Variants in SH3RF1 observed in about 807,000 individuals in gnomAD.
SH3RF1 encodes the protein SH3 domain containing ring finger 1.
A neutral mutation model predicts 74.0 loss-of-function variants in SH3RF1; 32 were observed. The ratio of observed to expected loss-of-function variants is 0.43; its 90% confidence interval spans 0.33 to 0.58. The LOEUF is 0.58. SH3RF1 is among the 20% of genes least tolerant of loss of function. The pLI is 0.05. For missense variants in SH3RF1, 954 were observed against 1,130.9 expected (o/e 0.84, Z 2.24); for synonymous variants, 396 against 439.6 (o/e 0.90, Z 1.24).
chr4:169,126,848 C>T (rs1237609628), intron 6 of SH3RF1, among the ~76,000 whole-genome samples: 1 of 152,182 alleles, frequency 6.6e-6, no homozygotes, highest in East Asian at 1.9e-4. Flanking sequence ...ACCTCAGGCT[C>T]CCAAAGTGCT....
At position 169,240,560 on chromosome 4, in the gene SH3RF1, T is replaced by G. The variant is rs190001632; in HGVS notation, c.393+28260A>C. Among the ~76,000 whole-genome samples, 228 of 152,282 alleles carry G rather than the reference T, an allele frequency of 1.5e-3. 1 individual carries two copies. Among genetic ancestry groups the G allele is most frequent in the Non-Finnish European group, 2.4e-3 (166 of 68,010 alleles). On this transcript the variant is annotated intron_variant, in intron 2 of 11. Transcript: ENST00000284637. ...ACTGTTCAATTTAAAGATACCAACG[T>G]GTATTAAGGAGTTTTTGAGTTTTCT... is the stretch of plus-strand genomic sequence containing the variant.
chr4:169,192,846 A>G (rs1022293721), intron 2 of SH3RF1, among the ~76,000 whole-genome samples: 4 of 148,314 alleles, frequency 2.7e-5, no homozygotes, highest in African/African-American at 7.4e-5. Context: ...GATGTGATAT[A>G]TATATCATAT....
intron 2 of SH3RF1, among the ~76,000 whole-genome samples, chr4:169,257,194 C>A (rs533453110): frequency 4.1e-4 from 63 of 152,244 alleles, no homozygotes; most frequent in African/African-American, 1.5e-3. Context: ...CACTTTCTGT[C>A]CAGCAGGAAT....
intron 2 of SH3RF1, among the ~76,000 whole-genome samples, chr4:169,168,682 T>A (rs1042863067): frequency 2.0e-5 from 3 of 152,258 alleles, no homozygotes; most frequent in Non-Finnish European, 1.5e-5. Context: ...TGGATTATGA[T>A]ATCTTTCACT....
chr4:169,159,444 T>C (rs941106599), intron 2 of SH3RF1, among the ~76,000 whole-genome samples: 1 of 152,070 alleles, frequency 6.6e-6, no homozygotes, highest in African/African-American at 2.4e-5. Flanking sequence ...TCTTGTACAA[T>C]AGCTAAAGAG....
chr4:169,205,196 A>G (rs981632743), intron 2 of SH3RF1, among the ~76,000 whole-genome samples: 1 of 152,228 alleles, frequency 6.6e-6, no homozygotes, highest in African/African-American at 2.4e-5. Flanking sequence ...GATTTTGTAC[A>G]TAGTATTTCT....
In SH3RF1 at chr4:169,156,698, G is replaced by A; in HGVS notation, c.394-19C>T. The A allele has an allele frequency of 1.3e-6, 2 of 1,543,576 alleles. No individual in the cohort carries two copies. Among genetic ancestry groups the A allele is most frequent in the Non-Finnish European group, 1.7e-6 (2 of 1,144,086 alleles). On this transcript the variant is annotated intron_variant, in intron 2 of 11. Coordinates refer to ENST00000284637, the MANE Select transcript of SH3RF1 (RefSeq NM_020870.4). ...GTATACCCTTTAAAAAAAAAAGAGG[G>A]ATGAATTTTAATAAAATAATGGTCT... is the stretch of plus-strand genomic sequence containing the variant.
chr4:169,156,217 G>A (rs1464021135), intron 3 of SH3RF1, among the ~76,000 whole-genome samples, 187 bp downstream of exon 3: 1 of 152,122 alleles, frequency 6.6e-6, no homozygotes, highest in Non-Finnish European at 1.5e-5. Flanking sequence ...TTTCATATAA[G>A]AAGTCTGTGC....
chr4:169,236,504 C>T (rs905595087), intron 2 of SH3RF1, among the ~76,000 whole-genome samples: 2 of 152,186 alleles, frequency 1.3e-5, no homozygotes, highest in African/African-American at 2.4e-5. Context: ...TAAGTAATAT[C>T]GTTACTTATT....
At chr4:169,126,201 G>T (rs1233432854) in intron 6 of SH3RF1, among the ~76,000 whole-genome samples, 3 of 152,218 alleles carry the variant, frequency 2.0e-5, no homozygotes, top group African/African-American at 7.2e-5. Context: ...TTTGCAGCTA[G>T]AAGATAACAG....
intron 5 of SH3RF1, 130 bp downstream of exon 5, chr4:169,136,188 C>A: frequency 9.8e-7 from 1 of 1,021,206 alleles, no homozygotes; most frequent in South Asian, 3.0e-5. Context: ...ACAGGTTTTG[C>A]TTCCCAGAAA....
chr4:169,204,771 G>A (rs1730219439), intron 2 of SH3RF1, among the ~76,000 whole-genome samples: 1 of 151,908 alleles, frequency 6.6e-6, no homozygotes. Flanking sequence ...AGATGGTCTC[G>A]ATCTCCTGAC....
chr4:169,163,542 A>G (rs1734185639), intron 2 of SH3RF1, among the ~76,000 whole-genome samples: 1 of 152,168 alleles, frequency 6.6e-6, no homozygotes, highest in Admixed American at 6.5e-5. Flanking sequence ...AAACCAGCAA[A>G]CTATAACCAC....
chr4:169,122,338 G>T (rs1056646579), intron 6 of SH3RF1, 72 bp from the exon 7 acceptor site: 7 of 1,461,244 alleles, frequency 4.8e-6, no homozygotes, highest in African/African-American at 1.4e-5. Context: ...TCCTATGGAA[G>T]GTGGGAGAGA....
intron 6 of SH3RF1, among the ~76,000 whole-genome samples, chr4:169,128,976 T>C (rs886691487): frequency 1.3e-5 from 2 of 152,180 alleles, no homozygotes; most frequent in African/African-American, 2.4e-5. Context: ...ACTTATTTTA[T>C]GGCTAGGGTT....
chr4:169,131,743 T>G (rs1733624493), intron 5 of SH3RF1, among the ~76,000 whole-genome samples: 1 of 152,254 alleles, frequency 6.6e-6, no homozygotes, highest in Non-Finnish European at 1.5e-5. Flanking sequence ...GACTGGTTGC[T>G]TTCTGTAACC....
intron 2 of SH3RF1, among the ~76,000 whole-genome samples, chr4:169,233,633 T>C (rs778877568): frequency 3.3e-5 from 5 of 152,230 alleles, no homozygotes; most frequent in Admixed American, 6.5e-5. Flanking sequence ...ATGGCTTTGG[T>C]TGTTTGGCTT....
intron 5 of SH3RF1, among the ~76,000 whole-genome samples, chr4:169,130,393 T>C (rs1733595732): frequency 6.6e-6 from 1 of 152,146 alleles, no homozygotes; most frequent in Non-Finnish European, 1.5e-5. Flanking sequence ...CAACAGTGTC[T>C]TACCTACAGA....
intron 1 of SH3RF1, among the ~76,000 whole-genome samples, chr4:169,270,366 G>C (rs1429753014): frequency 6.6e-6 from 1 of 152,100 alleles, no homozygotes; most frequent in Non-Finnish European, 1.5e-5. Context: ...TGGGGCTGCG[G>C]CCCGGCCGGT....
Sources: gnomAD v4.1 joint callset for allele counts (sites outside exome capture counted in the v4.1 genomes callset) on GRCh38, gnomAD v4.1.1 for gene constraint, MANE v1.5 for transcripts, NCBI Gene and HGNC (gene_info 2026-07-23, HGNC 2026-07-21) for gene names.